Variants in DNAH14 observed in about 807,000 individuals in gnomAD.
DNAH14 encodes the protein axonemal beta dynein heavy chain 14.
In DNAH14, 478 loss-of-function variants were observed where a neutral mutation model predicts 520.9. The ratio of observed to expected loss-of-function variants is 0.92; its 90% CI spans 0.85 to 0.99. The LOEUF is 0.99. DNAH14 is among the 50% of genes least tolerant of loss of function. The pLI is 0.00. For synonymous variants in DNAH14, 1,581 were observed against 1,757.2 expected (o/e 0.90, Z 2.51); for missense variants, 4,831 against 5,234.5 (o/e 0.92, Z 2.38).
At chr1:225,016,249 C>G (rs777152820) in intron 10 of DNAH14, among the ~76,000 whole-genome samples, 16 of 152,178 alleles carry the variant, frequency 1.1e-4, no homozygotes, top group Non-Finnish European at 1.9e-4. Flanking sequence ...TTTTCCTCCT[C>G]AGAATTCCCT....
rs185135737 is a variant in DNAH14 at position 225,213,916 on chromosome 1, T to C, written c.6439+6696T>C. Among the ~76,000 whole-genome samples, 674 of 152,312 alleles carry C rather than the reference T, an allele frequency of 4.4e-3. 11 individuals carry two copies. Among genetic ancestry groups the C allele is most frequent in the Non-Finnish European group, 4.7e-3 (319 of 68,028 alleles). ...CCCTTTATTTCTTTCTCTTGCCTGA[T>C]TGCCCTGGTCAGAACTTCCAACACT... is the stretch of plus-strand genomic sequence containing the variant. On this transcript the variant is annotated intron_variant, in intron 41 of 85. Coordinates refer to ENST00000682510, the MANE Select transcript of DNAH14 (RefSeq NM_001367479.1).
chr1:225,112,131 C>G (rs2076530599), intron 23 of DNAH14, among the ~76,000 whole-genome samples: 1 of 152,076 alleles, frequency 6.6e-6, no homozygotes, highest in African/African-American at 2.4e-5. Flanking sequence ...GGACTCTCTT[C>G]AACATTTCTT....
At chr1:225,173,000 A>C (rs1252787673) in intron 36 of DNAH14, among the ~76,000 whole-genome samples, 1 of 152,170 alleles carries the variant, frequency 6.6e-6, no homozygotes, top group Non-Finnish European at 1.5e-5. Flanking sequence ...CAAAAACAAG[A>C]AATGGGGAAA....
intron 75 of DNAH14, among the ~76,000 whole-genome samples, chr1:225,363,432 G>A (rs539310130): frequency 5.3e-4 from 81 of 152,146 alleles, no homozygotes; most frequent in African/African-American, 1.9e-3. Context: ...GTGAGGTCTC[G>A]CTATGTTGCC....
chr1:225,174,059 A>C (rs1384841003), intron 36 of DNAH14, among the ~76,000 whole-genome samples: 3 of 152,146 alleles, frequency 2.0e-5, no homozygotes. Context: ...GGAATTGAAC[A>C]ATGAGAACAC....
In DNAH14 at chr1:225,079,213, G is replaced by C. The variant is rs1478159926; in HGVS notation, c.2431G>C (p.Glu811Gln). The C allele has an allele frequency of 1.9e-6, 3 of 1,539,432 alleles. No individual in the cohort carries two copies. The African/African-American group carries it at 4.2e-5, about 21-fold the overall frequency. Residue 811 changes from glutamate (E) to glutamine (Q), a missense_variant, in exon 18 of 86, where the codon GAA becomes CAA. By Grantham distance (29) the Glu-to-Gln change is conservative. Transcript: ENST00000682510. ...ATTGACATGTTGATTTCAGGTTGTG[G>C]AATCATCATTGCAGCAGCTGGAATG... ...KKNKNLLEVV[E>Q]SSLQQLECDP...
At position 225,340,462 on chromosome 1, in the gene DNAH14, A is replaced by G. The variant is rs1161457895; in HGVS notation, c.10439A>G (p.Tyr3480Cys). The G allele has an allele frequency of 5.8e-6, 9 of 1,549,594 alleles. No homozygotes were observed. Among genetic ancestry groups the G allele is most frequent in the Admixed American group, 2.0e-5 (1 of 50,964 alleles). The part of the protein sequence containing the change: ...EFEYNSNFRL[Y>C]LSTEIDNPHF... Reference sequence around the variant, plus strand: ...GGTGCCTTTCTCATGTTCAGGTTATACTTATCTACAGAAATAGACAACCCC... The same window carrying G: ...GGTGCCTTTCTCATGTTCAGGTTATGCTTATCTACAGAAATAGACAACCCC... Residue 3480 changes from tyrosine to cysteine, a missense_variant, in exon 69 of 86, where the codon TAC becomes TGC. Coordinates refer to ENST00000682510, the MANE Select transcript of DNAH14 (RefSeq NM_001367479.1).
intron 61 of DNAH14, 136 bp from the exon 62 acceptor site, chr1:225,322,524 TTAAA>T: frequency 1.3e-6 from 1 of 756,830 alleles, no homozygotes; most frequent in Non-Finnish European, 1.9e-6. Flanking sequence ...ACCTAAGTAA[TTAAA>T]TAGCTATATG....
chr1:225,012,321 T>G (rs757585974), intron 10 of DNAH14, among the ~76,000 whole-genome samples: 7 of 152,216 alleles, frequency 4.6e-5, no homozygotes, highest in East Asian at 1.9e-4. Flanking sequence ...AGAGATCCAC[T>G]GTTAGTCTGA....
At chr1:225,071,090 G>A (rs920523285) in intron 17 of DNAH14, among the ~76,000 whole-genome samples, 19 of 152,216 alleles carry the variant, frequency 1.2e-4, no homozygotes, top group African/African-American at 4.1e-4. Flanking sequence ...TGTGAGATGG[G>A]TCTCTTGAAG....
At chr1:224,993,852 C>A (rs1011285370) in intron 8 of DNAH14, among the ~76,000 whole-genome samples, 1 of 151,994 alleles carries the variant, frequency 6.6e-6, no homozygotes, top group Non-Finnish European at 1.5e-5. Context: ...CCTTTTACTG[C>A]ATCCCATAAG....
intron 17 of DNAH14, among the ~76,000 whole-genome samples, chr1:225,058,314 G>T (rs1385998031): frequency 8.5e-5 from 13 of 152,190 alleles, no homozygotes; most frequent in Non-Finnish European, 1.8e-4. Flanking sequence ...TAGTTTATTT[G>T]TGTAGAAGTG....
chr1:225,150,642 A>T (rs1330007774), intron 31 of DNAH14, among the ~76,000 whole-genome samples: 1 of 152,088 alleles, frequency 6.6e-6, no homozygotes, highest in African/African-American at 2.4e-5. Context: ...GTGTGTGTTT[A>T]GGAATTTATC....
intron 71 of DNAH14, 37 bp from the exon 72 acceptor site, chr1:225,351,610 A>G (rs2095367403): frequency 6.9e-7 from 1 of 1,443,362 alleles, no homozygotes; most frequent in East Asian, 2.5e-5. Context: ...GTAAAGGTTT[A>G]TCTCTTCTAA....
chr1:224,952,245 A>G (rs12086122), intron 1 of DNAH14, among the ~76,000 whole-genome samples: 7,324 of 152,216 alleles, frequency 0.048, 515 homozygotes, highest in African/African-American at 0.16. Context: ...CTAGTAGTAT[A>G]TGGATGTGGC....
chr1:225,335,353 G>GTGTGTGTGCA (rs1553335256), intron 66 of DNAH14, among the ~76,000 whole-genome samples: 670 of 39,006 alleles, frequency 0.017, 106 homozygotes, highest in Non-Finnish European at 0.02. Flanking sequence ...GTGTGTATAT[G>GTGTGTGTGCA]CATATACACG....
Position 225,066,782 on chromosome 1 carries a change from A to T in DNAH14, c.2425-12425A>T, listed in dbSNP as rs532756601. 2.6e-5 allele frequency among the ~76,000 whole-genome samples: 4 copies of T among 152,198 alleles called. No individual in the cohort carries two copies. The South Asian group carries it at 8.3e-4, about 32-fold the overall frequency. Reference sequence around the variant, plus strand: ...TCCATTCCTGGGTTACTTCACTTAGAATAATGGCCTCCAGTTCCATCCAAG... The same window carrying T: ...TCCATTCCTGGGTTACTTCACTTAGTATAATGGCCTCCAGTTCCATCCAAG... On this transcript the variant is annotated intron_variant, in intron 17 of 85. Transcript: ENST00000682510.
In DNAH14 at chr1:225,007,446, T is replaced by TA; in HGVS notation, c.1009_1010insA (p.Phe337TyrfsTer3). On this transcript the variant is annotated frameshift_variant, in exon 10 of 86. Transcript: ENST00000682510. LOFTEE classifies it high-confidence loss of function. ...TTCTCGAACATATTCTCTAGATGAA[T>TA]TTTGTGAAGAGCAGTTACAGCAAGC... is the stretch of plus-strand genomic sequence containing the variant. The TA allele has an allele frequency of 6.5e-7, 1 of 1,539,810 alleles. No homozygotes were observed.
chr1:225,021,074 A>T (rs1015841308), intron 10 of DNAH14, among the ~76,000 whole-genome samples: 10 of 152,240 alleles, frequency 6.6e-5, no homozygotes, highest in African/African-American at 2.4e-4. Context: ...CAGATGCAGG[A>T]AATGCTTTTG....
Sources: allele counts gnomAD v4.1 joint callset (sites outside exome capture counted in the v4.1 genomes callset), GRCh38; gene constraint gnomAD v4.1.1; transcripts MANE v1.5; gene names NCBI Gene and HGNC (gene_info 2026-07-23, HGNC 2026-07-21).